NSL1: variants seen among roughly 807,000 people sequenced by gnomAD.
NSL1 encodes the protein NSL1 component of MIS12 kinetochore complex, also known as kinetochore-associated protein NSL1 homolog.
Under a neutral mutation model 25.4 loss-of-function variants are expected in NSL1, and 11 were observed. The ratio of observed to expected loss-of-function variants is 0.43; its 90% confidence interval spans 0.27 to 0.72. The LOEUF is 0.72. NSL1 is among the 30% of genes least tolerant of loss of function. The probability of loss-of-function intolerance (pLI) is 0.19; values close to 1 mark genes in which losing one functional copy is unlikely to be tolerated. For missense variants in NSL1, 330 were observed against 342.7 expected (o/e 0.96, Z 0.29); for synonymous variants, 118 against 120.6 (o/e 0.98, Z 0.14).
At chr1:212,788,065 G>C (rs1164577231) in intron 1 of NSL1, among the ~76,000 whole-genome samples, 1 of 152,182 alleles carries the variant, frequency 6.6e-6, no homozygotes, top group African/African-American at 2.4e-5. Flanking sequence ...GTATTTTTGA[G>C]AGATGAACAC....
At chr1:212,785,486 C>T (rs1204368312) in intron 2 of NSL1, among the ~76,000 whole-genome samples, 1 of 151,988 alleles carries the variant, frequency 6.6e-6, no homozygotes, top group Non-Finnish European at 1.5e-5. Flanking sequence ...GCTATCCCTC[C>T]CCACTCCCCC....
In NSL1 at chr1:212,730,040, C is replaced by A; in HGVS notation, c.*8368G>T. The A allele has an allele frequency of 1.1e-6, 1 of 946,322 alleles. No individual in the cohort carries two copies. The highest frequency in any genetic ancestry group is 1.3e-6 in the Non-Finnish European group (1 of 794,718). The allele number at this position is 946,322 out of a possible 1,614,324, so 58.6% of individuals were successfully genotyped here. On this transcript the variant is annotated 3_prime_UTR_variant, in exon 6 of 6. Transcript: ENST00000366977. ...CCAGGGCGAGTGGATCACCTGAGGT[C>A]AGGAGTTCGAGACCAGCCTGACCAA...
intron 4 of NSL1, among the ~76,000 whole-genome samples, chr1:212,756,586 G>A (rs564574137): frequency 1.0e-3 from 159 of 152,312 alleles, no homozygotes; most frequent in African/African-American, 3.6e-3. Flanking sequence ...TTGGGAGGCC[G>A]AGGTGGGAGG....
chr1:212,738,608 TC>T lies in NSL1; in HGVS notation c.645del (p.Ile216PhefsTer21). 1 of 1,614,128 alleles carries T rather than the reference TC, an allele frequency of 6.2e-7. No homozygotes were observed. Among genetic ancestry groups the T allele is most frequent in the Non-Finnish European group, 8.5e-7 (1 of 1,179,998 alleles). On this transcript the variant is annotated frameshift_variant, in exon 6 of 6. Transcript: ENST00000366977. LOFTEE classifies it low-confidence loss of function (END_TRUNC). The stretch of plus-strand genomic sequence containing the variant: ...CAACTGGAAAAGACTTCTTGGTGAA[TC>T]CTCTGGAGGTGGATAACAGGCTGCA... The part of the protein sequence containing the change: ...LRMQPVIHLQ[R>X]IHQEVFSSCH...
At chr1:212,770,292 G>A (rs1660042277) in intron 4 of NSL1, among the ~76,000 whole-genome samples, 1 of 152,084 alleles carries the variant, frequency 6.6e-6, no homozygotes, top group African/African-American at 2.4e-5. Context: ...CTGATAAATG[G>A]CTAGCTAGAC....
intron 4 of NSL1, among the ~76,000 whole-genome samples, chr1:212,780,046 T>A (rs1182406619): frequency 6.6e-6 from 1 of 150,912 alleles, no homozygotes; most frequent in Non-Finnish European, 1.5e-5. Flanking sequence ...ACAATGGCGG[T>A]TTTGTGGAAT....
At chr1:212,775,966 T>C (rs1660345921) in intron 4 of NSL1, among the ~76,000 whole-genome samples, 1 of 152,032 alleles carries the variant, frequency 6.6e-6, no homozygotes, top group Admixed American at 6.5e-5. Context: ...TAGCTGGGAC[T>C]ACAGGCGCCC....
rs1406035679 is a variant in NSL1, at chr1:212,728,172, T to C, written c.*10236A>G. 1 of 933,902 alleles carries C rather than the reference T, an allele frequency of 1.1e-6. No homozygotes were observed. Among genetic ancestry groups the C allele is most frequent in the Non-Finnish European group, 1.3e-6 (1 of 783,208 alleles). 57.9% of individuals were successfully genotyped at this position (933,902 alleles called of 1,614,324 possible). ...TTAAAAGAGATGGTGCATGTGAAGC[T>C]TTTAGCATGATCATGGCATGTAGTA... On this transcript the variant is annotated 3_prime_UTR_variant, in exon 6 of 6. Transcript: ENST00000366977.
intron 4 of NSL1, among the ~76,000 whole-genome samples, chr1:212,745,863 ACTGAGGTGGATGGATCAC>A (rs1462447726): frequency 1.3e-5 from 2 of 152,032 alleles, no homozygotes; most frequent in African/African-American, 4.8e-5. Context: ...TACTCAGGAG[ACTGAGGTGGATGGATCAC>A]CTGAGCCCAG....
chr1:212,745,005 G>A (rs113773507), intron 4 of NSL1, among the ~76,000 whole-genome samples: 27,098 of 151,742 alleles, frequency 0.18, 2,709 homozygotes, highest in African/African-American at 0.28. Flanking sequence ...GCGTGGTGGT[G>A]CATGACTGTA....
chr1:212,769,247 T>C lies in NSL1; in HGVS notation c.499+13125A>G, dbSNP rs112465013. ...TCAAATCTTGCAAAAGATATACACA[T>C]ACAGATACAGGAAGCTCAAAATTCT... On this transcript the variant is annotated intron_variant, in intron 4 of 5. Coordinates refer to ENST00000366977, the MANE Select transcript of NSL1 (RefSeq NM_015471.4). Among the ~76,000 whole-genome samples the C allele has an allele frequency of 5.2e-3, 797 of 152,234 alleles. 5 individuals carry two copies. Among genetic ancestry groups the C allele is most frequent in the African/African-American group, 0.018 (760 of 41,530 alleles).
At position 212,736,092 on chromosome 1, in the gene NSL1, C is replaced by G; in HGVS notation, c.*2316G>C. 1 of 960,272 alleles carries G rather than the reference C, an allele frequency of 1.0e-6. No homozygotes were observed. The highest frequency in any genetic ancestry group is 4.8e-5 in the South Asian group (1 of 20,796). 59.5% of individuals were successfully genotyped at this position (960,272 alleles called of 1,614,324 possible). A position where few individuals can be genotyped will look rare whatever the true frequency, so the allele number is the denominator to read the frequency against. On this transcript the variant is annotated 3_prime_UTR_variant, in exon 6 of 6. Transcript: ENST00000366977. ...TCACTCTGTCACCCAGGCTGGAGTA[C>G]AGTGGTGCCATCCTGGCTCACTGCA...
chr1:212,778,110 G>A (rs112032885), intron 4 of NSL1, among the ~76,000 whole-genome samples: 3,466 of 152,290 alleles, frequency 0.023, 62 homozygotes, highest in South Asian at 0.041. Context: ...GAGCTTGACA[G>A]AAGAAGGAAT....
In NSL1 at chr1:212,727,300, G is replaced by GCCCA; in HGVS notation, c.*11104_*11107dup. 1.5e-6 allele frequency: 2 copies of GCCCA among 1,303,808 alleles called. No homozygotes were observed. 80.8% of individuals were successfully genotyped at this position (1,303,808 alleles called of 1,614,324 possible). On this transcript the variant is annotated 3_prime_UTR_variant, in exon 6 of 6. Coordinates refer to ENST00000366977, the MANE Select transcript of NSL1 (RefSeq NM_015471.4). ...TTCACAACCCTTTGTTCCAGGCAGG[G>GCCCA]CCCAGGATCCCCTTCCAAATTACTG...
At chr1:212,745,199 T>TATATGC (rs1408612707) in intron 4 of NSL1, among the ~76,000 whole-genome samples, 28 of 78,026 alleles carry the variant, frequency 3.6e-4, no homozygotes, top group Middle Eastern at 6.4e-3. Flanking sequence ...TATATATATA[T>TATATGC]ATATGCATAT....
chr1:212,752,019 T>C (rs1507358), intron 4 of NSL1, among the ~76,000 whole-genome samples: 34,536 of 152,070 alleles, frequency 0.23, 4,639 homozygotes, highest in African/African-American at 0.38. Context: ...ATTCTCAATG[T>C]CTTCTCTCTA....
At chr1:212,747,764 ATTTTCT>A (rs1434795426) in intron 4 of NSL1, among the ~76,000 whole-genome samples, 2 of 152,010 alleles carry the variant, frequency 1.3e-5, no homozygotes, top group African/African-American at 4.8e-5. Flanking sequence ...AGTGAGATTT[ATTTTCT>A]TTTTTCTTTT....
At position 212,783,208 on chromosome 1, in the gene NSL1, A is replaced by G. The variant is rs537122752; in HGVS notation, c.445-782T>C. 1.2e-4 allele frequency among the ~76,000 whole-genome samples: 19 copies of G among 152,200 alleles called. No homozygotes were observed. In the South Asian group the frequency reaches 3.9e-3, roughly 32 times the overall value. ...GGTCTTTGGTATCCTCACCTTATCTATTTTGCATTACTTTTTAAACTACCA... is the reference window on the plus strand; with the variant it reads ...GGTCTTTGGTATCCTCACCTTATCTGTTTTGCATTACTTTTTAAACTACCA... On this transcript the variant is annotated intron_variant, in intron 3 of 5. Transcript: ENST00000366977.
Position 212,735,141 on chromosome 1 carries a change from C to A in NSL1, c.*3267G>T, listed in dbSNP as rs1029306632. The A allele has an allele frequency of 2.5e-5, 6 of 241,810 alleles. No homozygotes were observed. The highest frequency in any genetic ancestry group is 3.3e-5 in the Non-Finnish European group (5 of 150,284). The allele number at this position is 241,810 out of a possible 1,614,324, so 15.0% of individuals were successfully genotyped here. ...AATAATGGTAGAACTGCAATCTGAA[C>A]CCAGATGATCTGGCTCAGAGACTAT... On this transcript the variant is annotated 3_prime_UTR_variant, in exon 6 of 6. Transcript: ENST00000366977.
Sources: allele counts gnomAD v4.1 joint callset (sites outside exome capture counted in the v4.1 genomes callset), GRCh38; gene constraint gnomAD v4.1.1; transcripts MANE v1.5; gene names NCBI Gene and HGNC (gene_info 2026-07-23, HGNC 2026-07-21).